Variants in CNTN5 observed in about 807,000 individuals in gnomAD.
CNTN5 encodes contactin-5.
Under a neutral mutation model 129.1 loss-of-function variants are expected in CNTN5, and 77 were observed. The observed-to-expected ratio is 0.60, with a 90% CI of 0.50 to 0.72. The LOEUF (loss-of-function observed/expected upper bound fraction) is 0.72. CNTN5 is among the 30% of genes least tolerant of loss of function. The pLI is 0.00. For missense variants in CNTN5, 1,478 were observed against 1,328.8 expected (o/e 1.11, Z -1.75); for synonymous variants, 509 against 465.6 (o/e 1.09, Z -1.20).
chr11:99,435,232 G>A (rs1169799238), intron 2 of CNTN5, among the ~76,000 whole-genome samples: 1 of 152,098 alleles, frequency 6.6e-6, no homozygotes, highest in Non-Finnish European at 1.5e-5. Context: ...TTTTGTAGAT[G>A]AGAAGTACAT....
chr11:99,192,378 A>G (rs1391641948), intron 1 of CNTN5, among the ~76,000 whole-genome samples: 1 of 151,840 alleles, frequency 6.6e-6, no homozygotes, highest in East Asian at 1.9e-4. Context: ...ACAGCCAATC[A>G]TGTAGGCTAC....
intron 1 of CNTN5, among the ~76,000 whole-genome samples, chr11:99,227,645 A>G (rs1350801338): frequency 6.6e-6 from 1 of 152,156 alleles, no homozygotes; most frequent in Non-Finnish European, 1.5e-5. Flanking sequence ...TTGTGCTTCA[A>G]TGCGTTATCA....
At chr11:100,162,925 T>A (rs551141886) in intron 13 of CNTN5, among the ~76,000 whole-genome samples, 2 of 151,932 alleles carry the variant, frequency 1.3e-5, no homozygotes, top group Non-Finnish European at 2.9e-5. Context: ...ATAACTCAAT[T>A]CATTTCTGGA....
chr11:99,754,572 A>G (rs1380397197), intron 3 of CNTN5, among the ~76,000 whole-genome samples: 1 of 152,202 alleles, frequency 6.6e-6, no homozygotes, highest in African/African-American at 2.4e-5. Flanking sequence ...TATAAGGATC[A>G]TATTTTGTTT....
At chr11:100,289,348 C>G (rs1404812096) in intron 18 of CNTN5, among the ~76,000 whole-genome samples, 1 of 151,980 alleles carries the variant, frequency 6.6e-6, no homozygotes, top group Non-Finnish European at 1.5e-5. Flanking sequence ...AACATTGATA[C>G]AAAAATCCTC....
chr11:100,271,152 T>C lies in CNTN5; in HGVS notation c.2225T>C (p.Val742Ala), dbSNP rs934483762. The C allele has an allele frequency of 5.0e-6, 8 of 1,613,122 alleles. No homozygotes were observed. The highest frequency in any genetic ancestry group is 6.8e-6 in the Non-Finnish European group (8 of 1,179,518). ...ATGGCTGTGGACCTAAATCCCTGGG[T>C]GGAATATGAATTTCGAGTGGTAGCC... Reference protein sequence around the residue: ...SAMAVDLNPWVEYEFRVVATN... With the variant: ...SAMAVDLNPWAEYEFRVVATN... The change falls in exon 18 of 25, where the codon GTG becomes GCG. Residue 742 changes from valine to alanine, a missense_variant. By Grantham distance (64) the Val-to-Ala change is moderately conservative. Coordinates refer to ENST00000524871, the MANE Select transcript of CNTN5 (RefSeq NM_014361.4).
chr11:99,988,892 T>G (rs1009033900), intron 8 of CNTN5, among the ~76,000 whole-genome samples: 1 of 151,870 alleles, frequency 6.6e-6, no homozygotes, highest in African/African-American at 2.4e-5. Flanking sequence ...AACAACTTCC[T>G]CATAACTTAG....
intron 21 of CNTN5, among the ~76,000 whole-genome samples, chr11:100,318,244 A>T (rs866177522): frequency 1.5e-5 from 2 of 133,642 alleles, no homozygotes; most frequent in Admixed American, 7.3e-5. Context: ...CTGTCTCAGA[A>T]AAAAAAAAAA....
chr11:99,030,060 T>C (rs1053624537), intron 1 of CNTN5, among the ~76,000 whole-genome samples: 3 of 152,172 alleles, frequency 2.0e-5, no homozygotes, highest in Non-Finnish European at 2.9e-5. Context: ...TCATGGCATA[T>C]GGTGAGGTCA....
intron 1 of CNTN5, among the ~76,000 whole-genome samples, chr11:99,048,391 C>T (rs1333518207): frequency 6.6e-6 from 1 of 152,088 alleles, no homozygotes; most frequent in Non-Finnish European, 1.5e-5. Context: ...CATTAATCAA[C>T]CTTAAGGGAA....
At chr11:99,142,376 C>T (rs775187779) in intron 1 of CNTN5, among the ~76,000 whole-genome samples, 8 of 152,030 alleles carry the variant, frequency 5.3e-5, no homozygotes, top group Admixed American at 1.3e-4. Context: ...GAGTGCATGC[C>T]GGCAAAGCAG....
chr11:99,508,555 C>T (rs1186368962), intron 2 of CNTN5, among the ~76,000 whole-genome samples: 1 of 152,116 alleles, frequency 6.6e-6, no homozygotes, highest in East Asian at 1.9e-4. Context: ...TTGCGGAGCC[C>T]TTCCTCAATG....
intron 11 of CNTN5, 134 bp downstream of exon 11, chr11:100,070,694 G>A (rs1943887502): frequency 1.5e-6 from 1 of 676,740 alleles, no homozygotes. Context: ...TTTGTGTTAA[G>A]GATGAATGTT....
intron 6 of CNTN5, among the ~76,000 whole-genome samples, chr11:99,867,435 T>A (rs984804029): frequency 6.6e-6 from 1 of 152,182 alleles, no homozygotes; most frequent in Non-Finnish European, 1.5e-5. Flanking sequence ...ATTTTGTTTG[T>A]CATTCCAATA....
intron 1 of CNTN5, among the ~76,000 whole-genome samples, chr11:99,053,451 T>C (rs1226665031): frequency 6.6e-6 from 1 of 151,946 alleles, no homozygotes; most frequent in African/African-American, 2.4e-5. Flanking sequence ...TCAATATATA[T>C]GTTTTTTTCT....
Position 99,304,037 on chromosome 11 carries a change from T to C in CNTN5, c.-209-21309T>C, listed in dbSNP as rs2511802. Among the ~76,000 whole-genome samples the C allele has an allele frequency of 2.3e-3, 346 of 152,312 alleles. 2 individuals are homozygous for C. Among genetic ancestry groups the C allele is most frequent in the African/African-American group, 8.0e-3 (331 of 41,578 alleles). ...CAACACCAAGTCCTTTGTCTTCATG[T>C]ACCTTGTTGTTGGGAAGTCACGACA... On this transcript the variant is annotated intron_variant, in intron 1 of 24. Coordinates refer to ENST00000524871, the MANE Select transcript of CNTN5 (RefSeq NM_014361.4).
chr11:99,853,714 A>C (rs1204645893), intron 6 of CNTN5, among the ~76,000 whole-genome samples: 3 of 152,110 alleles, frequency 2.0e-5, no homozygotes, highest in Non-Finnish European at 4.4e-5. Context: ...GTAATAGTAA[A>C]ATTTATTGAA....
chr11:100,161,288 C>G (rs1434935398), intron 13 of CNTN5, among the ~76,000 whole-genome samples: 1 of 151,466 alleles, frequency 6.6e-6, no homozygotes, highest in African/African-American at 2.4e-5. Flanking sequence ...GGCCCAAGCC[C>G]CAATAGAGAT....
At chr11:99,279,602 G>A (rs1375944168) in intron 1 of CNTN5, among the ~76,000 whole-genome samples, 1 of 151,528 alleles carries the variant, frequency 6.6e-6, no homozygotes, top group Admixed American at 6.6e-5. Flanking sequence ...AACTGCATTG[G>A]ACTGATATGG....
Sources: gnomAD v4.1 joint callset for allele counts (sites outside exome capture counted in the v4.1 genomes callset) on GRCh38, gnomAD v4.1.1 for gene constraint, MANE v1.5 for transcripts, NCBI Gene and HGNC (gene_info 2026-07-23, HGNC 2026-07-21) for gene names.